The following MACROD2 variants were observed in gnomAD, a reference collection of about 807,000 sequenced individuals.
MACROD2 encodes mono-ADP ribosylhydrolase 2, also known as ADP-ribose glycohydrolase MACROD2.
In MACROD2, 36 loss-of-function variants were observed where a neutral mutation model predicts 70.4. The ratio of observed to expected loss-of-function variants is 0.51; its 90% confidence interval spans 0.39 to 0.68. MACROD2 has a LOEUF of 0.68. MACROD2 is among the 30% of genes least tolerant of loss of function. MACROD2 has a pLI of 0.00. For missense variants in MACROD2, 496 were observed against 538.4 expected (o/e 0.92, Z 0.78); for synonymous variants, 172 against 178.8 (o/e 0.96, Z 0.30).
chr20:16,009,528 G>A (rs991197961), intron 15 of MACROD2, among the ~76,000 whole-genome samples: 3 of 152,060 alleles, frequency 2.0e-5, no homozygotes, highest in Non-Finnish European at 2.9e-5. Flanking sequence ...AGGCCGAGGC[G>A]GGCAGATCAC....
intron 4 of MACROD2, among the ~76,000 whole-genome samples, chr20:14,623,817 A>G (rs968137496): frequency 1.3e-5 from 2 of 152,218 alleles, no homozygotes; most frequent in Non-Finnish European, 2.9e-5. Context: ...TACAAAAAAC[A>G]TATAAATTCT....
intron 4 of MACROD2, among the ~76,000 whole-genome samples, chr20:14,654,700 A>G (rs1437828402): frequency 3.9e-5 from 6 of 152,282 alleles, no homozygotes; most frequent in African/African-American, 1.4e-4. Flanking sequence ...CTGGCAGTTC[A>G]TCTGAAAAAT....
rs147336078 is a variant in MACROD2 at position 14,602,421 on chromosome 20, C to T, written c.302-82422C>T. ...CTCTGTGCACAATGACCCGGTGGGT[C>T]GGAACCTCTGGGGACTCTTCCCTAT... On this transcript the variant is annotated intron_variant, in intron 4 of 17. Coordinates refer to ENST00000684519, the MANE Select transcript of MACROD2 (RefSeq NM_001351661.2). 4.6e-5 allele frequency among the ~76,000 whole-genome samples: 7 copies of T among 152,286 alleles called. No homozygotes were observed. The East Asian group carries it at 1.4e-3, about 29-fold the overall frequency.
chr20:15,136,479 T>G (rs975039441), intron 5 of MACROD2, among the ~76,000 whole-genome samples: 1 of 152,200 alleles, frequency 6.6e-6, no homozygotes, highest in Non-Finnish European at 1.5e-5. Context: ...CCCTTTTTAA[T>G]AAATGGTGCT....
chr20:15,370,967 A>C (rs2045483612), intron 6 of MACROD2, among the ~76,000 whole-genome samples: 1 of 152,118 alleles, frequency 6.6e-6, no homozygotes, highest in African/African-American at 2.4e-5. Flanking sequence ...TTAACTGTAA[A>C]TACAGTGAGG....
intron 8 of MACROD2, among the ~76,000 whole-genome samples, chr20:15,746,834 G>T (rs917102583): frequency 1.3e-5 from 2 of 151,984 alleles, no homozygotes; most frequent in Non-Finnish European, 2.9e-5. Context: ...CCAGGGGTTC[G>T]AGTGGCCATG....
At chr20:14,445,837 T>C (rs1417431434) in intron 3 of MACROD2, among the ~76,000 whole-genome samples, 5 of 152,154 alleles carry the variant, frequency 3.3e-5, no homozygotes, top group East Asian at 1.9e-4. Context: ...AAAAGGACTT[T>C]TGCTTGCTTC....
chr20:15,945,763 T>G (rs2065814117), intron 12 of MACROD2, among the ~76,000 whole-genome samples: 1 of 152,200 alleles, frequency 6.6e-6, no homozygotes, highest in Non-Finnish European at 1.5e-5. Context: ...TTTGAATAGC[T>G]GGATCAGTTT....
chr20:15,773,192 A>G (rs1226843898), intron 8 of MACROD2, among the ~76,000 whole-genome samples: 3 of 152,098 alleles, frequency 2.0e-5, no homozygotes. Flanking sequence ...AATAATGATT[A>G]TCTTGTCTAC....
intron 7 of MACROD2, among the ~76,000 whole-genome samples, chr20:15,452,231 T>TATAA (rs2046653516): frequency 6.6e-6 from 1 of 152,176 alleles, no homozygotes; most frequent in East Asian, 1.9e-4. Context: ...TAGTAAAGTT[T>TATAA]ATAAGCCTTA....
chr20:14,345,722 A>T (rs959490077), intron 3 of MACROD2, among the ~76,000 whole-genome samples: 1 of 152,016 alleles, frequency 6.6e-6, no homozygotes, highest in South Asian at 2.1e-4. Context: ...GAGTCACCAC[A>T]CTTGGCCTGA....
chr20:16,010,209 C>T (rs2066844826), intron 15 of MACROD2, among the ~76,000 whole-genome samples: 1 of 152,136 alleles, frequency 6.6e-6, no homozygotes, highest in Non-Finnish European at 1.5e-5. Flanking sequence ...GTCAGTTGGG[C>T]TAGTGGCGCA....
intron 5 of MACROD2, among the ~76,000 whole-genome samples, chr20:14,716,048 A>G (rs960885942): frequency 6.6e-6 from 1 of 152,188 alleles, no homozygotes; most frequent in African/African-American, 2.4e-5. Context: ...TGAACGCTAC[A>G]TATTCATGCA....
chr20:14,353,799 A>G (rs902126191), intron 3 of MACROD2, among the ~76,000 whole-genome samples: 5 of 152,138 alleles, frequency 3.3e-5, no homozygotes, highest in Admixed American at 6.6e-5. Context: ...TTCATGTTTC[A>G]TTGGTTAAAA....
At chr20:14,514,663 G>A (rs1568648253) in intron 4 of MACROD2, among the ~76,000 whole-genome samples, 1 of 152,046 alleles carries the variant, frequency 6.6e-6, no homozygotes, top group African/African-American at 2.4e-5. Context: ...ACTTAGTAGG[G>A]CCCACTAATC....
chr20:15,490,698 T>A (rs530770774), intron 7 of MACROD2, among the ~76,000 whole-genome samples: 1 of 152,240 alleles, frequency 6.6e-6, no homozygotes, highest in South Asian at 2.1e-4. Context: ...CAGGGAGCCA[T>A]CACGAGTGGG....
chr20:14,539,794 T>C (rs2085408783), intron 4 of MACROD2, among the ~76,000 whole-genome samples: 1 of 152,238 alleles, frequency 6.6e-6, no homozygotes, highest in African/African-American at 2.4e-5. Flanking sequence ...ACTTAGGTCT[T>C]GCTTTGTACA....
At chr20:15,142,497 C>T (rs1456246421) in intron 5 of MACROD2, among the ~76,000 whole-genome samples, 1 of 151,718 alleles carries the variant, frequency 6.6e-6, no homozygotes, top group East Asian at 1.9e-4. Context: ...TTGTTATTTT[C>T]CATTTTTACT....
chr20:14,719,315 C>G (rs2071435585), intron 5 of MACROD2, among the ~76,000 whole-genome samples: 1 of 151,844 alleles, frequency 6.6e-6, no homozygotes. Flanking sequence ...CTCTCTCCTA[C>G]TTTTGTCCAC....
Sources: allele counts gnomAD v4.1 joint callset (sites outside exome capture counted in the v4.1 genomes callset), GRCh38; gene constraint gnomAD v4.1.1; transcripts MANE v1.5; gene names NCBI Gene and HGNC (gene_info 2026-07-23, HGNC 2026-07-21).